PCDHGA4: variants seen among roughly 807,000 people sequenced by gnomAD.
PCDHGA4 encodes the protein protocadherin gamma-A4.
A neutral mutation model predicts 54.6 loss-of-function variants in PCDHGA4; 38 were observed. The ratio of observed to expected loss-of-function variants is 0.70; its 90% CI spans 0.54 to 0.91. The LOEUF is 0.91. Among genes scored for constraint, PCDHGA4 ranks in the 40% least tolerant of loss-of-function variants. The pLI, the probability that PCDHGA4 is intolerant of heterozygous loss-of-function variation, is 0.00. For synonymous variants in PCDHGA4, 511 were observed against 512.9 expected, an observed-to-expected ratio of 1.00 and a Z score of 0.05; for missense variants, 1,298 against 1,220.9, an observed-to-expected ratio of 1.06 and a Z score of -0.94.
intron 1 of PCDHGA4, among the ~76,000 whole-genome samples, chr5:141,463,479 C>T (rs1162346496): frequency 4.1e-5 from 5 of 120,544 alleles, no homozygotes; most frequent in Non-Finnish European, 8.1e-5. Flanking sequence ...GATGGAGTCT[C>T]GCTCTGTCAC....
chr5:141,370,999 G>T, intron 1 of PCDHGA4: 3 of 1,614,020 alleles, frequency 1.9e-6, no homozygotes, highest in Non-Finnish European at 2.5e-6. Flanking sequence ...CCCCTGGACA[G>T]GGAAGAGCAG....
chr5:141,485,938 A>G lies in PCDHGA4; in HGVS notation c.2515-8869A>G. The stretch of plus-strand genomic sequence containing the variant: ...ACAGGATTAGTGTGTTGGAGAGCGC[A>G]CCAGCGGGCATGGTGCTCATCCAGC... On this transcript the variant is annotated intron_variant, in intron 1 of 3. Transcript: ENST00000571252. The surrounding 1 kb of genome is among the most constrained non-coding windows in gnomAD (Gnocchi z 5.7). 6.2e-7 allele frequency: 1 copy of G among 1,614,162 alleles called. No individual in the cohort carries two copies. The highest frequency in any genetic ancestry group is 1.3e-5 in the African/African-American group (1 of 75,028).
At chr5:141,398,611 A>C (rs2093677658) in intron 1 of PCDHGA4, 3 of 1,613,944 alleles carry the variant, frequency 1.9e-6, no homozygotes, top group Non-Finnish European at 2.5e-6. Flanking sequence ...AGATGCAGAT[A>C]TTGGCTTAAA....
intron 1 of PCDHGA4, chr5:141,413,929 C>T (rs2095693828): frequency 6.2e-7 from 1 of 1,613,342 alleles, no homozygotes; most frequent in South Asian, 1.1e-5. Context: ...GCCAGAATAC[C>T]GAGTGAGTGT....
At chr5:141,383,802 A>G in intron 1 of PCDHGA4, 1 of 1,613,998 alleles carries the variant, frequency 6.2e-7, no homozygotes, top group Non-Finnish European at 8.5e-7. Context: ...CAGGAGAAAT[A>G]TCAACTTTAG....
chr5:141,389,991 G>T (rs561094692), intron 1 of PCDHGA4: 2 of 1,614,016 alleles, frequency 1.2e-6, no homozygotes, highest in African/African-American at 2.7e-5. Flanking sequence ...GCTCTTCCTC[G>T]TGGCCATGAT....
Position 141,361,102 on chromosome 5 carries a change from G to C in PCDHGA4, c.2514+3481G>C, listed in dbSNP as rs1025745459. The C allele has an allele frequency of 2.5e-6, 4 of 1,613,888 alleles. No homozygotes were observed. The African/African-American group carries it at 5.3e-5, about 22-fold the overall frequency. On this transcript the variant is annotated intron_variant, in intron 1 of 3. Transcript: ENST00000571252. ...TTACACTCTGAGTATCGAAGCAAAA[G>C]ATCCTGGAGATCTAGCAGCCCACTG...
Position 141,489,690 on chromosome 5 carries a change from A to T in PCDHGA4, c.2515-5117A>T. The T allele has an allele frequency of 6.2e-7, 1 of 1,614,198 alleles. No individual in the cohort carries two copies. The highest frequency in any genetic ancestry group is 8.5e-7 in the Non-Finnish European group (1 of 1,180,024). ...TCTCAGAATCAGCAGCATCTGGGGC[A>T]CGATTCCCACTGGACAGTGCCCAGG... On this transcript the variant is annotated intron_variant, in intron 1 of 3. Coordinates refer to ENST00000571252, the MANE Select transcript of PCDHGA4 (RefSeq NM_018917.4). The surrounding 1 kb of genome is among the most constrained non-coding windows in gnomAD (Gnocchi z 4.5).
chr5:141,491,564 G>A lies in PCDHGA4; in HGVS notation c.2515-3243G>A, dbSNP rs2099721154. On this transcript the variant is annotated intron_variant, in intron 1 of 3. Coordinates refer to ENST00000571252, the MANE Select transcript of PCDHGA4 (RefSeq NM_018917.4). The surrounding 1 kb of genome is among the most constrained non-coding windows in gnomAD (Gnocchi z 6.9). Reference sequence around the variant, plus strand: ...ACAGACTCGCAGAGCCACTGCTACAGGACGTGCTTTTCACCGGCCTCGGAC... The same window carrying A: ...ACAGACTCGCAGAGCCACTGCTACAAGACGTGCTTTTCACCGGCCTCGGAC... The A allele has an allele frequency of 3.1e-6, 5 of 1,613,878 alleles. No individual in the cohort carries two copies. Among genetic ancestry groups the A allele is most frequent in the Non-Finnish European group, 8.5e-7 (1 of 1,180,042 alleles).
At chr5:141,480,873 C>T (rs1026513782) in intron 1 of PCDHGA4, among the ~76,000 whole-genome samples, 5 of 152,050 alleles carry the variant, frequency 3.3e-5, no homozygotes, top group Non-Finnish European at 7.4e-5. Context: ...GGTGAAACCC[C>T]GTCTCTACTA....
chr5:141,420,118 T>C (rs2096468123), intron 1 of PCDHGA4: 2 of 1,613,844 alleles, frequency 1.2e-6, no homozygotes, highest in Admixed American at 1.7e-5. Flanking sequence ...ATGCCTATAA[T>C]TTTTGTGTGC....
intron 1 of PCDHGA4, chr5:141,428,099 C>T: frequency 6.8e-6 from 11 of 1,608,710 alleles, no homozygotes; most frequent in East Asian, 2.2e-5. Context: ...TGTCCTACCA[C>T]GTGCTGCAGG....
At chr5:141,508,815 C>T (rs1190983144) in intron 3 of PCDHGA4, among the ~76,000 whole-genome samples, 1 of 152,138 alleles carries the variant, frequency 6.6e-6, no homozygotes, top group East Asian at 1.9e-4. Context: ...TCTTTGAAGC[C>T]AGATCTGGGC....
intron 1 of PCDHGA4, chr5:141,413,677 G>T (rs539552615): frequency 6.2e-7 from 1 of 1,613,794 alleles, no homozygotes; most frequent in East Asian, 2.2e-5. Flanking sequence ...GGATGTGGGC[G>T]TGAACTCCCT....
intron 1 of PCDHGA4, chr5:141,375,000 A>AC (rs1771024393): frequency 6.2e-7 from 1 of 1,613,928 alleles, no homozygotes; most frequent in Non-Finnish European, 8.5e-7. Context: ...ACTTCTGCAA[A>AC]TCTAGACTAT....
chr5:141,431,016 C>A lies in PCDHGA4; in HGVS notation c.2515-63791C>A, dbSNP rs755015257. 4 of 1,613,456 alleles carry A rather than the reference C, an allele frequency of 2.5e-6. No individual in the cohort carries two copies. Among genetic ancestry groups the A allele is most frequent in the East Asian group, 2.2e-5 (1 of 44,860 alleles). ...AATCCGCGCAGCGGCAGCTTGGTCA[C>A]GGCGGGCAGGATAGACCGGGAGGAG... is the stretch of plus-strand genomic sequence containing the variant. On this transcript the variant is annotated intron_variant, in intron 1 of 3. Coordinates refer to ENST00000571252, the MANE Select transcript of PCDHGA4 (RefSeq NM_018917.4). The surrounding 1 kb of genome is among the most constrained non-coding windows in gnomAD (Gnocchi z 4.8).
At chr5:141,408,458 G>A (rs760881860) in intron 1 of PCDHGA4, 1 of 1,614,066 alleles carries the variant, frequency 6.2e-7, no homozygotes, top group Admixed American at 1.7e-5. Context: ...GGACTTACTT[G>A]TGAAGAACCG....
intron 1 of PCDHGA4, chr5:141,370,312 G>A (rs2149960218): frequency 2.4e-6 from 3 of 1,269,470 alleles, no homozygotes; most frequent in Non-Finnish European, 3.3e-6. Flanking sequence ...AAAGCAAATA[G>A]TTGGTCCTGC....
At chr5:141,442,403 G>A (rs1042068651) in intron 1 of PCDHGA4, 2 of 152,168 alleles carry the variant, frequency 1.3e-5, no homozygotes, top group African/African-American at 4.8e-5. Context: ...TACGAATCCA[G>A]GGCTGAGTGA....
Sources: allele counts gnomAD v4.1 joint callset (sites outside exome capture counted in the v4.1 genomes callset), GRCh38; gene constraint gnomAD v4.1.1; non-coding constraint Gnocchi (gnomAD v3.1); transcripts MANE v1.5; gene names NCBI Gene and HGNC (gene_info 2026-07-23, HGNC 2026-07-21).